Variants in C15orf39 observed in about 807,000 individuals in gnomAD.
C15orf39 encodes the protein PRMT2 interacting protein.
C15orf39 carries 24 observed loss-of-function variants against 53.9 expected under a neutral mutation model. That is an observed-to-expected ratio of 0.45 (90% CI 0.32 to 0.63). The LOEUF is 0.63. C15orf39 is among the 20% of genes least tolerant of loss of function. The probability of loss-of-function intolerance (pLI) is 0.04; values close to 1 mark genes in which losing one functional copy is unlikely to be tolerated. For synonymous variants in C15orf39, 569 were observed against 576.5 expected (o/e 0.99, Z 0.19); for missense variants, 1,271 against 1,347.9 (o/e 0.94, Z 0.89).
intron 2 of C15orf39, among the ~76,000 whole-genome samples, chr15:75,210,179 AGGCTTCT>A (rs1446823868): frequency 2.0e-5 from 3 of 152,270 alleles, no homozygotes; most frequent in South Asian, 2.1e-4. Context: ...GATTGAGACC[AGGCTTCT>A]GGCTTCTGGC....
Position 75,206,147 on chromosome 15 carries a change from C to G in C15orf39, c.99C>G (p.His33Gln). ...TDSGLEHSLP[H>Q]SVGNQDPCTY... is the part of the protein sequence containing the mutation. ...CCGGGCTCGAGCACAGCCTGCCCCA[C>G]TCTGTTGGTAACCAGGATCCCTGCA... Residue 33 changes from histidine to glutamine, a missense_variant, in exon 2 of 3, where the codon CAC (histidine) becomes CAG (glutamine). By Grantham distance (24) the His-to-Gln change is conservative. This residue lies in a region of C15orf39 where 994 missense variants were observed against 993.7 expected (regional missense o/e 1.00). Coordinates refer to ENST00000394987, the MANE Select transcript of C15orf39 (RefSeq NM_015492.5). The G allele has an allele frequency of 3.7e-6, 6 of 1,614,026 alleles. No individual in the cohort carries two copies. Among genetic ancestry groups the G allele is most frequent in the Non-Finnish European group, 5.1e-6 (6 of 1,179,958 alleles).
chr15:75,206,381 G>C lies in C15orf39; in HGVS notation c.333G>C (p.Glu111Asp). ...AGATGCAGGACTCCAGCCCTGTTGA[G>C]CTCCTGCCCTTCAGTCCCCAGGCTC... ...PEKMQDSSPV[E>D]LLPFSPQAHS... Residue 111 changes from glutamate to aspartate, a missense_variant, in exon 2 of 3, where the codon GAG (glutamate) becomes GAC (aspartate). Glu to Asp is a conservative substitution (Grantham distance 45). Coordinates refer to ENST00000394987, the MANE Select transcript of C15orf39 (RefSeq NM_015492.5). 6.2e-7 allele frequency: 1 copy of C among 1,613,998 alleles called. No individual in the cohort carries two copies. The highest frequency in any genetic ancestry group is 1.1e-5 in the South Asian group (1 of 91,070).
Position 75,207,850 on chromosome 15 carries a change from C to A in C15orf39, c.1802C>A (p.Ala601Glu), listed in dbSNP as rs745391071. The change falls in exon 2 of 3, where the codon GCA becomes GAA. Residue 601 changes from alanine (A) to glutamate (E), a missense_variant. Around this residue, in one of 2 missense-constraint regions of C15orf39, gnomAD observed 994 missense variants for 993.7 expected, o/e 1.00. Coordinates refer to ENST00000394987, the MANE Select transcript of C15orf39 (RefSeq NM_015492.5). ...TCTGTGGAGCATGCCAAGCCTACTG[C>A]AGCCATGGATGTGCCAGATGTGGGC... ...SRSVEHAKPTAAMDVPDVGNM... is the reference protein window; with the variant it reads ...SRSVEHAKPTEAMDVPDVGNM... The A allele has an allele frequency of 3.1e-6, 5 of 1,613,484 alleles. 1 individual carries two copies. Among genetic ancestry groups the A allele is most frequent in the Middle Eastern group, 1.6e-4 (1 of 6,062 alleles).
chr15:75,205,020 A>G (rs940677638), intron 1 of C15orf39, among the ~76,000 whole-genome samples: 5 of 152,184 alleles, frequency 3.3e-5, no homozygotes, highest in Non-Finnish European at 2.9e-5. Context: ...TGGCTTGTAC[A>G]GACTGATGTC....
Position 75,206,581 on chromosome 15 carries a change from C to G in C15orf39, c.533C>G (p.Pro178Arg), listed in dbSNP as rs1407132264. The change falls in exon 2 of 3, where the codon CCA becomes CGA. Residue 178 changes from proline (P) to arginine (R), a missense_variant. By Grantham distance (103) the Pro-to-Arg change is moderately radical (BLOSUM62 -2). This residue lies in a region of C15orf39 where 994 missense variants were observed against 993.7 expected (regional missense o/e 1.00). Coordinates refer to ENST00000394987, the MANE Select transcript of C15orf39 (RefSeq NM_015492.5). The part of the protein sequence containing the change: ...PSADPPCSLA[P>R]APSKGQTLDG... Reference sequence around the variant, plus strand: ...GCTGACCCACCCTGCTCTCTGGCCCCAGCTCCTAGCAAGGGCCAGACTCTG... The same window carrying G: ...GCTGACCCACCCTGCTCTCTGGCCCGAGCTCCTAGCAAGGGCCAGACTCTG... The G allele has an allele frequency of 1.9e-6, 3 of 1,613,830 alleles. No homozygotes were observed. In the South Asian group the frequency reaches 3.3e-5, roughly 18 times the overall value.
In C15orf39 at chr15:75,211,146, G is replaced by T. The variant is rs1403751054; in HGVS notation, c.*30G>T. The stretch of plus-strand genomic sequence containing the variant: ...GGTTGCCAGTGCTGTGTGTATAGCA[G>T]TCACTCTCCACCCTTCCCTTCTGCC... On this transcript the variant is annotated 3_prime_UTR_variant, in exon 3 of 3. Coordinates refer to ENST00000394987, the MANE Select transcript of C15orf39 (RefSeq NM_015492.5). 3.8e-6 allele frequency: 6 copies of T among 1,560,296 alleles called. No individual in the cohort carries two copies. The Admixed American group carries it at 1.0e-4, about 27-fold the overall frequency.
In C15orf39 at chr15:75,210,962, C is replaced by G. The variant is rs1224719529; in HGVS notation, c.2990C>G (p.Pro997Arg). Residue 997 changes from proline (P) to arginine (R), a missense_variant, in exon 3 of 3, where the codon CCA (proline) becomes CGA (arginine). Around this residue, in one of 2 missense-constraint regions of C15orf39, gnomAD observed 277 missense variants for 354.1 expected, o/e 0.78. Coordinates refer to ENST00000394987, the MANE Select transcript of C15orf39 (RefSeq NM_015492.5). ...CCTACCCCTGCTACCAGTGCCAGCC[C>G]ACCTGGCCCCACACTGAAGGCCCGC... ...ASPTPATSAS[P>R]PGPTLKARFR... The G allele has an allele frequency of 1.9e-6, 3 of 1,613,402 alleles. No individual in the cohort carries two copies. Among genetic ancestry groups the G allele is most frequent in the Non-Finnish European group, 2.5e-6 (3 of 1,180,018 alleles).
chr15:75,209,713 C>T (rs540839200), intron 2 of C15orf39: 1 of 152,378 alleles, frequency 6.6e-6, no homozygotes, highest in East Asian at 1.9e-4. Flanking sequence ...TTTTCTCTCC[C>T]TGCTGCCCCC....
chr15:75,199,655 G>A (rs2070389568), upstream of C15orf39, among the ~76,000 whole-genome samples: 1 of 152,208 alleles, frequency 6.6e-6, no homozygotes, highest in African/African-American at 2.4e-5. Flanking sequence ...GCCAGGAGAA[G>A]TAACTGGTGT....
Position 75,207,881 on chromosome 15 carries a change from G to C in C15orf39, c.1833G>C (p.Met611Ile). ...AAMDVPDVGN[M>I]VSDLPGLKKI... is the part of the protein sequence containing the mutation. ...TGGATGTGCCAGATGTGGGCAACATGGTGTCAGATCTGCCAGGCCTGAAAA... is the reference window on the plus strand; with the variant it reads ...TGGATGTGCCAGATGTGGGCAACATCGTGTCAGATCTGCCAGGCCTGAAAA... The change falls in exon 2 of 3, where the codon ATG becomes ATC. Residue 611 changes from methionine to isoleucine, a missense_variant. Physicochemically the swap from Met to Ile is conservative, Grantham distance 10 (BLOSUM62 1). Transcript: ENST00000394987. 6.2e-7 allele frequency: 1 copy of C among 1,613,632 alleles called. No individual in the cohort carries two copies. The highest frequency in any genetic ancestry group is 8.5e-7 in the Non-Finnish European group (1 of 1,180,006).
At position 75,210,890 on chromosome 15, in the gene C15orf39, CG is replaced by C. The variant is rs768111031; in HGVS notation, c.2920del (p.Glu974ArgfsTer29). On this transcript the variant is annotated frameshift_variant, in exon 3 of 3. Transcript: ENST00000394987. LOFTEE classifies it low-confidence loss of function (END_TRUNC). ...KPGRKPPTPG[P>X]EKAEAAAGEE... ...GGCAGGAAGCCACCAACCCCTGGCC[CG>C]GAGAAAGCAGAGGCAGCTGCTGGGG... is the stretch of plus-strand genomic sequence containing the variant. 1 of 1,613,754 alleles carries C rather than the reference CG, an allele frequency of 6.2e-7. No homozygotes were observed. Among genetic ancestry groups the C allele is most frequent in the Non-Finnish European group, 8.5e-7 (1 of 1,179,974 alleles).
upstream of C15orf39, among the ~76,000 whole-genome samples, chr15:75,201,182 C>G (rs543280203): frequency 6.6e-6 from 1 of 152,302 alleles, no homozygotes; most frequent in East Asian, 1.9e-4. This position sits in a 1 kb window ranked among gnomAD's most constrained non-coding sequence, Gnocchi z 4.7. Flanking sequence ...CCCTTCCCCC[C>G]TCCAGCCTCT....
Position 75,208,313 on chromosome 15 carries a change from T to C in C15orf39, c.2265T>C (p.Ser755=). ...CAGTTGCAGGCCCTGCTCCAGCATC[T>C]ACTTCAGCCCCAGGGGACTCCCTGG... ...PAPVAGPAPA[S]TSAPGDSLEQ... Residue 755 remains serine (S), a synonymous_variant, in exon 2 of 3, where the codon TCT becomes TCC. Transcript: ENST00000394987. 1 of 1,576,148 alleles carries C rather than the reference T, an allele frequency of 6.3e-7. No individual in the cohort carries two copies. The highest frequency in any genetic ancestry group is 1.9e-5 in the Admixed American group (1 of 53,154).
rs746561387 is a variant in C15orf39, at chr15:75,208,706, G to A, written c.2658G>A (p.Glu886=). ...TGTCGGAGGAGCGGGCACTGCGGGA[G>A]CTCGCCCTGCCAGGCTGCACCTCAC... ...TTLSEERALR[E]LALPGCTSRM... Residue 886 remains glutamate (E), a synonymous_variant, in exon 2 of 3, where the codon GAG becomes GAA. Coordinates refer to ENST00000394987, the MANE Select transcript of C15orf39 (RefSeq NM_015492.5). The A allele has an allele frequency of 1.9e-6, 3 of 1,606,980 alleles. No homozygotes were observed. In the African/African-American group the frequency reaches 4.0e-5, roughly 21 times the overall value.
chr15:75,204,616 T>G (rs944336027), intron 1 of C15orf39, among the ~76,000 whole-genome samples: 5 of 152,382 alleles, frequency 3.3e-5, no homozygotes, highest in African/African-American at 9.6e-5. Flanking sequence ...CACGCAATTC[T>G]CCTGCCTCAG....
chr15:75,204,745 A>G (rs1271891957), intron 1 of C15orf39, among the ~76,000 whole-genome samples: 1 of 152,106 alleles, frequency 6.6e-6, no homozygotes, highest in Admixed American at 6.5e-5. Flanking sequence ...CCTGACCTCA[A>G]ATGATCCGCA....
At position 75,207,030 on chromosome 15, in the gene C15orf39, C is replaced by A; in HGVS notation, c.982C>A (p.Gln328Lys). The stretch of plus-strand genomic sequence containing the variant: ...GCTGGGCAGCCCCTACCTGAGGCAG[C>A]AGGCAGCCCAGGCACCTTACATTCC... ...GGLGSPYLRQQAAQAPYIPPL... is the reference protein window; with the variant it reads ...GGLGSPYLRQKAAQAPYIPPL... The change falls in exon 2 of 3, where the codon CAG becomes AAG. Residue 328 changes from glutamine to lysine, a missense_variant. Physicochemically the swap from Gln to Lys is moderately conservative, Grantham distance 53. Transcript: ENST00000394987. 6.2e-7 allele frequency: 1 copy of A among 1,606,056 alleles called. No homozygotes were observed. The highest frequency in any genetic ancestry group is 8.5e-7 in the Non-Finnish European group (1 of 1,176,316).
At position 75,207,201 on chromosome 15, in the gene C15orf39, C is replaced by T. The variant is rs146132044; in HGVS notation, c.1153C>T (p.Leu385Phe). The change falls in exon 2 of 3, where the codon CTC becomes TTC. Residue 385 changes from leucine (L) to phenylalanine (F), a missense_variant. Leu to Phe is a conservative substitution (Grantham distance 22). This residue lies in a region of C15orf39 where 994 missense variants were observed against 993.7 expected (regional missense o/e 1.00). Coordinates refer to ENST00000394987, the MANE Select transcript of C15orf39 (RefSeq NM_015492.5). ...GAGTTTTCCTTATGCCCGGGATGAC[C>T]TCTCTCTCTATGGAGCATCCCCTGG... Reference protein sequence around the residue: ...TLSFPYARDDLSLYGASPGLG... With the variant: ...TLSFPYARDDFSLYGASPGLG... 12 of 1,613,790 alleles carry T rather than the reference C, an allele frequency of 7.4e-6. No individual in the cohort carries two copies. Among genetic ancestry groups the T allele is most frequent in the Middle Eastern group, 1.6e-4 (1 of 6,062 alleles).
intron 1 of C15orf39, among the ~76,000 whole-genome samples, chr15:75,203,712 G>A (rs2070420154): frequency 6.6e-6 from 1 of 152,174 alleles, no homozygotes. Flanking sequence ...TGGGGTGGGG[G>A]TGGGGACCCA....
Sources: gnomAD v4.1 joint callset for allele counts (sites outside exome capture counted in the v4.1 genomes callset) on GRCh38, gnomAD v4.1.1 for gene constraint, gnomAD v4.1.1 regional missense constraint, Gnocchi (gnomAD v3.1) non-coding constraint, MANE v1.5 for transcripts, NCBI Gene and HGNC (gene_info 2026-07-23, HGNC 2026-07-21) for gene names.